Variants in RBFOX3 observed in about 807,000 individuals in gnomAD.
RBFOX3 encodes RNA binding protein fox-1 homolog 3.
Under a neutral mutation model 48.7 loss-of-function variants are expected in RBFOX3, and 17 were observed. The observed-to-expected ratio is 0.35, with a 90% CI of 0.24 to 0.52. The LOEUF (loss-of-function observed/expected upper bound fraction) is 0.52, where lower values mean the gene tolerates loss of function less well. RBFOX3 is among the 20% of genes least tolerant of loss of function. The pLI is 0.94. For synonymous variants in RBFOX3, 212 were observed against 209.5 expected, an observed-to-expected ratio of 1.01 and a Z score of -0.10; for missense variants, 382 against 497.5, an observed-to-expected ratio of 0.77 and a Z score of 2.21.
At chr17:79,526,313 G>T (rs2086790150) in intron 1 of RBFOX3, among the ~76,000 whole-genome samples, 2 of 152,234 alleles carry the variant, frequency 1.3e-5, no homozygotes, top group African/African-American at 4.8e-5. Context: ...ACATGATCAT[G>T]AGGAAGCCAG....
intron 2 of RBFOX3, among the ~76,000 whole-genome samples, chr17:79,412,765 T>C (rs182029482): frequency 1.8e-3 from 279 of 151,976 alleles, no homozygotes; most frequent in Admixed American, 3.2e-3. Flanking sequence ...CCACGTGTTG[T>C]GATGTCTGTG....
At chr17:79,544,236 C>G (rs1172381553) in intron 1 of RBFOX3, among the ~76,000 whole-genome samples, 1 of 152,034 alleles carries the variant, frequency 6.6e-6, no homozygotes, top group African/African-American at 2.4e-5. Context: ...GTGTTTTCTT[C>G]CAGCCTTGTG....
chr17:79,405,512 G>A (rs930070468), intron 2 of RBFOX3, among the ~76,000 whole-genome samples: 2 of 152,108 alleles, frequency 1.3e-5, no homozygotes, highest in African/African-American at 4.8e-5. Flanking sequence ...CTTGAGGCCA[G>A]GAGTTCAAGA....
chr17:79,247,082 A>G (rs12051621), intron 3 of RBFOX3, among the ~76,000 whole-genome samples: 11,094 of 152,196 alleles, frequency 0.073, 424 homozygotes, highest in South Asian at 0.11. Flanking sequence ...TTCCTCTAAG[A>G]TTTTCAGAAA....
At chr17:79,307,494 G>A (rs1316733209) in intron 3 of RBFOX3, among the ~76,000 whole-genome samples, 5 of 136,282 alleles carry the variant, frequency 3.7e-5, no homozygotes, top group Non-Finnish European at 6.3e-5. Flanking sequence ...TTATATACTC[G>A]CTGATTTGCA....
chr17:79,214,383 C>T lies in RBFOX3; in HGVS notation c.-34+21383G>A, dbSNP rs2058742005. 6.6e-6 allele frequency among the ~76,000 whole-genome samples: 1 copy of T among 152,194 alleles called. No homozygotes were observed. The highest frequency in any genetic ancestry group is 1.5e-5 in the Non-Finnish European group (1 of 68,038). ...TCTCCTCATTAATTAGACAAGCCCT[C>T]CCGCCCGCAGGTCCAGCAACCAGGG... On this transcript the variant is annotated intron_variant, in intron 4 of 14. Coordinates refer to ENST00000693108, the MANE Select transcript of RBFOX3 (RefSeq NM_001350451.2). The surrounding 1 kb of genome is among the most constrained non-coding windows in gnomAD (Gnocchi z 4.7).
intron 2 of RBFOX3, among the ~76,000 whole-genome samples, chr17:79,415,041 C>G (rs369841008): frequency 3.3e-5 from 5 of 152,286 alleles, no homozygotes; most frequent in African/African-American, 1.2e-4. Context: ...GGTCCACATG[C>G]GGACAAAGAC....
At chr17:79,318,885 TGGAG>T (rs2077972041) in intron 2 of RBFOX3, among the ~76,000 whole-genome samples, 1 of 74,890 alleles carries the variant, frequency 1.3e-5, no homozygotes, top group Non-Finnish European at 2.7e-5. Flanking sequence ...AAAAAAGGGA[TGGAG>T]GGAGGGATAG....
At chr17:79,564,464 T>C (rs1599168677) in intron 1 of RBFOX3, among the ~76,000 whole-genome samples, 1 of 152,104 alleles carries the variant, frequency 6.6e-6, no homozygotes, top group Non-Finnish European at 1.5e-5. Context: ...TGTGCACATC[T>C]TAATAGGAGC....
chr17:79,381,202 A>G (rs1215042813), intron 2 of RBFOX3, among the ~76,000 whole-genome samples: 2 of 151,960 alleles, frequency 1.3e-5, no homozygotes, highest in South Asian at 4.2e-4. Flanking sequence ...GGAGGTTGCA[A>G]TGAGCCAAGA....
chr17:79,371,011 G>T (rs1289871252), intron 2 of RBFOX3, among the ~76,000 whole-genome samples: 1 of 152,244 alleles, frequency 6.6e-6, no homozygotes, highest in Admixed American at 6.5e-5. Context: ...AGGGGGTTAG[G>T]GAGGGAAGGG....
chr17:79,347,005 A>G (rs1401293177), intron 2 of RBFOX3, among the ~76,000 whole-genome samples: 1 of 152,138 alleles, frequency 6.6e-6, no homozygotes, highest in East Asian at 1.9e-4. Context: ...AAAATAATAC[A>G]ATTTTTTGTT....
In RBFOX3 at chr17:79,408,128, G is replaced by C. The variant is rs76816019; in HGVS notation, c.-175+74326C>G. 3.4e-3 allele frequency among the ~76,000 whole-genome samples: 522 copies of C among 152,262 alleles called. 2 individuals carry two copies. Among genetic ancestry groups the C allele is most frequent in the African/African-American group, 0.012 (509 of 41,544 alleles). ...GTTCTGTTTGCTGGTCTGTGAAGTGGGGGGAGAAGGAGCACTCGCCTCCTG... is the reference window on the plus strand; with the variant it reads ...GTTCTGTTTGCTGGTCTGTGAAGTGCGGGGAGAAGGAGCACTCGCCTCCTG... On this transcript the variant is annotated intron_variant, in intron 2 of 14. Coordinates refer to ENST00000693108, the MANE Select transcript of RBFOX3 (RefSeq NM_001350451.2).
At chr17:79,505,026 A>C (rs2082891431) in intron 1 of RBFOX3, among the ~76,000 whole-genome samples, 1 of 152,146 alleles carries the variant, frequency 6.6e-6, no homozygotes, top group Non-Finnish European at 1.5e-5. Flanking sequence ...CAATAAGGTA[A>C]AGCACCCACT....
chr17:79,147,537 G>C (rs140862253), intron 4 of RBFOX3, among the ~76,000 whole-genome samples: 244 of 152,300 alleles, frequency 1.6e-3, no homozygotes, highest in African/African-American at 5.6e-3. Flanking sequence ...TCCAGAGATC[G>C]GGAGGATCTC....
chr17:79,365,190 C>G (rs757162336), intron 2 of RBFOX3, among the ~76,000 whole-genome samples: 7 of 152,196 alleles, frequency 4.6e-5, no homozygotes, highest in Non-Finnish European at 1.0e-4. Context: ...AAAATCTTAA[C>G]TCCTTGCTCT....
intron 2 of RBFOX3, among the ~76,000 whole-genome samples, chr17:79,405,021 C>T (rs1280252164): frequency 6.6e-6 from 1 of 152,194 alleles, no homozygotes; most frequent in Non-Finnish European, 1.5e-5. Flanking sequence ...GATGCTGGGA[C>T]TCCCAGACTA....
intron 4 of RBFOX3, among the ~76,000 whole-genome samples, chr17:79,158,520 C>G (rs1282870160): frequency 6.6e-6 from 1 of 152,176 alleles, no homozygotes; most frequent in Admixed American, 6.5e-5. Flanking sequence ...GGGCACCTTG[C>G]TTGCAGCTCT....
At position 79,606,505 on chromosome 17, in the gene RBFOX3, C is replaced by G. The variant is rs1470083486; in HGVS notation, c.-320+4321G>C. Among the ~76,000 whole-genome samples, 6 of 152,274 alleles carry G rather than the reference C, an allele frequency of 3.9e-5. No individual in the cohort carries two copies. The South Asian group carries it at 1.2e-3, about 32-fold the overall frequency. ...TGCAACTGATAGACTGAGCTCGCCCCGAGCTACAAATAAACTAACAGACTT... is the reference window on the plus strand; with the variant it reads ...TGCAACTGATAGACTGAGCTCGCCCGGAGCTACAAATAAACTAACAGACTT... On this transcript the variant is annotated intron_variant, in intron 1 of 14. Transcript: ENST00000693108.
Sources: allele counts gnomAD v4.1 joint callset (sites outside exome capture counted in the v4.1 genomes callset), GRCh38; gene constraint gnomAD v4.1.1; non-coding constraint Gnocchi (gnomAD v3.1); transcripts MANE v1.5; gene names NCBI Gene and HGNC (gene_info 2026-07-23, HGNC 2026-07-21).